The following MOSMO variants were observed in gnomAD, a reference collection of about 807,000 sequenced individuals.
The protein encoded by MOSMO is modulator of smoothened protein.
A neutral mutation model predicts 18.4 loss-of-function variants in MOSMO; 5 were observed. That is an observed-to-expected ratio of 0.27 (90% CI 0.14 to 0.57). The LOEUF (loss-of-function observed/expected upper bound fraction) is 0.57, where lower values mean the gene tolerates loss of function less well. Among genes scored for constraint, MOSMO ranks in the 20% least tolerant of loss-of-function variants. The pLI is 0.92. For synonymous variants in MOSMO, 82 were observed against 82.3 expected (o/e 1.00, Z 0.02); for missense variants, 138 against 211.8 (o/e 0.65, Z 2.16).
At chr16:22,048,272 T>G (rs150912683) in intron 1 of MOSMO, among the ~76,000 whole-genome samples, 1 of 152,316 alleles carries the variant, frequency 6.6e-6, no homozygotes. Flanking sequence ...ACCTCCCTCA[T>G]AGGGTTGTGA....
chr16:22,034,719 CTGTTTTTTTTGTT>C (rs1235666255), intron 1 of MOSMO, among the ~76,000 whole-genome samples: 4 of 96,708 alleles, frequency 4.1e-5, no homozygotes, highest in Non-Finnish European at 8.9e-5. Context: ...GGTTTAGAAA[CTGTTTTTTTTGTT>C]TGTTTTTTTG....
intron 2 of MOSMO, among the ~76,000 whole-genome samples, chr16:22,078,801 C>G (rs187342816): frequency 1.4e-4 from 22 of 152,244 alleles, no homozygotes; most frequent in Non-Finnish European, 2.6e-4. Context: ...AAATTGGTGA[C>G]AGACAACACT....
intron 1 of MOSMO, among the ~76,000 whole-genome samples, chr16:22,020,001 G>A (rs532305325): frequency 6.1e-4 from 92 of 152,032 alleles, no homozygotes; most frequent in African/African-American, 2.2e-3. Context: ...ATCAGCTGAG[G>A]TCGGGAGTTC....
intron 1 of MOSMO, among the ~76,000 whole-genome samples, chr16:22,011,948 AAAAG>A (rs1899539734): frequency 6.6e-6 from 1 of 151,550 alleles, no homozygotes; most frequent in African/African-American, 2.4e-5. Context: ...AAAAAAAAAA[AAAAG>A]TGCAGAGTTA....
intron 1 of MOSMO, 57 bp downstream of exon 1, chr16:22,008,464 G>A: frequency 8.9e-7 from 1 of 1,124,524 alleles, no homozygotes; most frequent in Middle Eastern, 3.0e-4. Context: ...ACGCGAGAGA[G>A]GGGAGACCCG....
chr16:22,051,842 A>G (rs984695492), intron 1 of MOSMO, among the ~76,000 whole-genome samples: 1 of 152,034 alleles, frequency 6.6e-6, no homozygotes, highest in South Asian at 2.1e-4. Context: ...ATCTGATACT[A>G]TCTCCAGGTA....
intron 1 of MOSMO, among the ~76,000 whole-genome samples, chr16:22,041,298 T>C (rs1900205460): frequency 6.6e-6 from 1 of 152,196 alleles, no homozygotes; most frequent in Non-Finnish European, 1.5e-5. Context: ...TTTTTATGAA[T>C]ACAGAAGCAT....
At chr16:22,062,602 G>A (rs1032925567) in intron 1 of MOSMO, among the ~76,000 whole-genome samples, 1 of 152,190 alleles carries the variant, frequency 6.6e-6, no homozygotes, top group Non-Finnish European at 1.5e-5. Context: ...ACAGATGTGA[G>A]CTGAGCCATA....
chr16:22,063,762 C>CTA (rs1237279042), intron 1 of MOSMO, among the ~76,000 whole-genome samples: 1 of 152,162 alleles, frequency 6.6e-6, no homozygotes, highest in Non-Finnish European at 1.5e-5. Context: ...ACATCTCCCT[C>CTA]TATATATATG....
At chr16:22,071,150 A>G (rs1900842261) in intron 1 of MOSMO, among the ~76,000 whole-genome samples, 1 of 152,150 alleles carries the variant, frequency 6.6e-6, no homozygotes, top group Non-Finnish European at 1.5e-5. Context: ...TTCCCCAAGG[A>G]GGAAGTAGAG....
At chr16:22,017,322 G>C (rs1899661005) in intron 1 of MOSMO, among the ~76,000 whole-genome samples, 1 of 152,170 alleles carries the variant, frequency 6.6e-6, no homozygotes, top group South Asian at 2.1e-4. Context: ...AGGTTGTACG[G>C]TGACAGCAGT....
At chr16:22,012,739 GAAAAAAA>G (rs5816166) in intron 1 of MOSMO, among the ~76,000 whole-genome samples, 3 of 67,140 alleles carry the variant, frequency 4.5e-5, no homozygotes, top group African/African-American at 1.3e-4. Flanking sequence ...AGAAGGAATA[GAAAAAAA>G]AAAAAAAAAA....
chr16:22,013,885 G>C (rs570974466), intron 1 of MOSMO, among the ~76,000 whole-genome samples: 22 of 151,514 alleles, frequency 1.5e-4, no homozygotes, highest in African/African-American at 2.4e-5. Context: ...CTGTTTGGGG[G>C]GGGGGAATCT....
chr16:22,078,100 C>T (rs138824453), intron 2 of MOSMO, among the ~76,000 whole-genome samples: 90 of 152,020 alleles, frequency 5.9e-4, no homozygotes, highest in African/African-American at 2.1e-3. Flanking sequence ...CAAGATGAGT[C>T]GTCCTGTTCT....
chr16:22,019,825 C>A (rs1899716379), intron 1 of MOSMO, among the ~76,000 whole-genome samples: 1 of 152,118 alleles, frequency 6.6e-6, no homozygotes, highest in Non-Finnish European at 1.5e-5. Context: ...TTGGCACTCC[C>A]AGTCTTATCT....
At chr16:22,016,701 C>T (rs752590537) in intron 1 of MOSMO, among the ~76,000 whole-genome samples, 3 of 152,130 alleles carry the variant, frequency 2.0e-5, no homozygotes, top group Non-Finnish European at 2.9e-5. Flanking sequence ...AGTCCCTGTC[C>T]TACTATTTAC....
intron 1 of MOSMO, among the ~76,000 whole-genome samples, chr16:22,029,159 C>A (rs866362808): frequency 1.3e-5 from 2 of 152,146 alleles, no homozygotes; most frequent in Non-Finnish European, 2.9e-5. Context: ...TGTGAGCCAC[C>A]ACGCCTGGCT....
chr16:22,060,410 A>G (rs1900618481), intron 1 of MOSMO, among the ~76,000 whole-genome samples: 1 of 152,208 alleles, frequency 6.6e-6, no homozygotes, highest in African/African-American at 2.4e-5. Context: ...AAATACATGA[A>G]CATATGTTCT....
chr16:22,064,629 A>T (rs1358200771), intron 1 of MOSMO, among the ~76,000 whole-genome samples: 1 of 152,240 alleles, frequency 6.6e-6, no homozygotes, highest in African/African-American at 2.4e-5. Flanking sequence ...AAATTCATAC[A>T]TGATTGAAAG....
Sources: allele counts gnomAD v4.1 joint callset (sites outside exome capture counted in the v4.1 genomes callset), GRCh38; gene constraint gnomAD v4.1.1; transcripts MANE v1.5; gene names NCBI Gene and HGNC (gene_info 2026-07-23, HGNC 2026-07-21).